AIFM1: variants seen among roughly 807,000 people sequenced by gnomAD.
AIFM1 encodes the protein apoptosis-inducing factor 1, mitochondrial.
Under a neutral mutation model 51.7 loss-of-function variants are expected in AIFM1, and 3 were observed. The observed-to-expected ratio is 0.06, with a 90% confidence interval of 0.03 to 0.15. The LOEUF is 0.15. Ranked by LOEUF, AIFM1 falls within the 10% of genes least tolerant of loss-of-function variation. AIFM1 has a pLI of 1.00. For synonymous variants in AIFM1, 178 were observed against 179.4 expected, an observed-to-expected ratio of 0.99 and a Z score of 0.06; for missense variants, 330 against 476.8, an observed-to-expected ratio of 0.69 and a Z score of 2.87.
intron 1 of AIFM1, 96 bp from the exon 2 acceptor site, chrX:130,156,699 G>T: frequency 1.1e-6 from 1 of 946,135 alleles, no homozygotes; most frequent in Non-Finnish European, 1.5e-6. Flanking sequence ...AAGACTTATT[G>T]CCCACAGATA....
intron 3 of AIFM1, among the ~76,000 whole-genome samples, chrX:130,148,833 C>CAA (rs56353862): frequency 1.1e-3 from 24 of 21,519 alleles, no homozygotes; most frequent in East Asian, 8.9e-3. Flanking sequence ...AACTCCATCT[C>CAA]AAAAAAAAAA....
intron 6 of AIFM1, among the ~76,000 whole-genome samples, chrX:130,141,023 G>A (rs1418220949): frequency 8.9e-6 from 1 of 112,350 alleles, no homozygotes; most frequent in African/African-American, 3.2e-5. Context: ...GGCTGAGGCA[G>A]GAGAATCGCT....
In AIFM1 at chrX:130,138,639, A is replaced by G. The variant is rs2030464722; in HGVS notation, c.921T>C (p.Gly307=). 8.3e-7 allele frequency: 1 copy of G among 1,209,125 alleles called. No individual in the cohort carries two copies. Among genetic ancestry groups the G allele is most frequent in the Non-Finnish European group, 1.1e-6 (1 of 894,824 alleles). Residue 307 remains glycine, a synonymous_variant, in exon 9 of 16, where the codon GGT becomes GGC. Transcript: ENST00000287295. ...SREVKSITII[G]GGFLGSELAC... ...CCAGTTCGCTACCAAGGAAGCCCCC[A>G]CCGATAATCGTAATTGATTTGACTT...
chrX:130,133,266 G>C (rs761683597), intron 13 of AIFM1, 47 bp downstream of exon 13: 3 of 1,196,793 alleles, frequency 2.5e-6, no homozygotes, highest in African/African-American at 1.8e-5. Flanking sequence ...TGGTCCTAGA[G>C]ATACTGAGTT....
intron 14 of AIFM1, among the ~76,000 whole-genome samples, chrX:130,130,436 C>A (rs184652419): frequency 8.9e-6 from 1 of 112,105 alleles, no homozygotes; most frequent in East Asian, 2.8e-4. Context: ...ATTTTAAATT[C>A]ATGCTATGAA....
chrX:130,163,031 C>T (rs965220591), intron 1 of AIFM1, among the ~76,000 whole-genome samples: 2 of 111,370 alleles, frequency 1.8e-5, no homozygotes, highest in African/African-American at 6.5e-5. Context: ...CAGATGTCAA[C>T]GAGATAGTTG....
intron 5 of AIFM1, among the ~76,000 whole-genome samples, chrX:130,146,451 A>ATATGTGTGTGTG (rs1211366586): frequency 1.1e-5 from 1 of 89,435 alleles, no homozygotes; most frequent in African/African-American, 4.2e-5. Context: ...CTCTCAAAAT[A>ATATGTGTGTGTG]TGTGTGTGTG....
intron 2 of AIFM1, among the ~76,000 whole-genome samples, chrX:130,150,055 A>C (rs1308925329): frequency 3.6e-5 from 4 of 111,204 alleles, no homozygotes; most frequent in African/African-American, 1.3e-4. Flanking sequence ...GTGGTCAGAA[A>C]CATGGCTGCC....
intron 6 of AIFM1, 117 bp from the exon 7 acceptor site, chrX:130,140,734 T>TACTGAAATCCA: frequency 1.7e-6 from 1 of 575,583 alleles, no homozygotes; most frequent in Non-Finnish European, 2.9e-6. Flanking sequence ...TCTGTGGATT[T>TACTGAAATCCA]CAGTATATTC....
intron 13 of AIFM1, 80 bp from the exon 14 acceptor site, chrX:130,131,879 T>A: frequency 9.5e-7 from 1 of 1,052,054 alleles, no homozygotes. Flanking sequence ...GACACTGCAT[T>A]TTTTTTTTTT....
intron 12 of AIFM1, among the ~76,000 whole-genome samples, chrX:130,135,439 T>TTTA (rs33994471): frequency 1.0e-3 from 76 of 72,944 alleles, no homozygotes; most frequent in African/African-American, 4.0e-3. Context: ...TTTTTTTTTT[T>TTTA]AAAAAAAAAA....
chrX:130,141,158 AAAAC>A (rs1428144490), intron 6 of AIFM1, among the ~76,000 whole-genome samples: 2 of 112,080 alleles, frequency 1.8e-5, no homozygotes, highest in Admixed American at 9.5e-5. Context: ...CACAACAACA[AAAAC>A]AAACAAAAAC....
At chrX:130,150,992 A>AAAAAAAAAAAAG (rs2030953032) in intron 2 of AIFM1, among the ~76,000 whole-genome samples, 3 of 104,434 alleles carry the variant, frequency 2.9e-5, no homozygotes, top group African/African-American at 1.1e-4. Context: ...AAAAAAAAAA[A>AAAAAAAAAAAAG]AAAGAAAAGA....
intron 2 of AIFM1, chrX:130,155,396 T>C: frequency 1.0e-6 from 1 of 964,898 alleles, no homozygotes; most frequent in Non-Finnish European, 1.4e-6. Flanking sequence ...TACCCTGTGC[T>C]AAAAAAGGAA....
At chrX:130,165,425 A>G (rs2031497677) in intron 1 of AIFM1, 126 bp downstream of exon 1, 1 of 602,911 alleles carries the variant, frequency 1.7e-6, no homozygotes, top group Non-Finnish European at 2.8e-6. Flanking sequence ...GAGTCTGCCA[A>G]TTTGGAATTC....
intron 10 of AIFM1, among the ~76,000 whole-genome samples, 168 bp downstream of exon 10, chrX:130,136,910 C>T (rs111770459): frequency 3.0e-4 from 33 of 111,301 alleles, no homozygotes; most frequent in African/African-American, 9.8e-4. Context: ...GAATTTGGGG[C>T]ATCTGATTCA....
chrX:130,129,395 T>C lies in AIFM1; in HGVS notation c.*162A>G. The C allele has an allele frequency of 2.0e-6, 1 of 493,820 alleles. No homozygotes were observed. The highest frequency in any genetic ancestry group is 3.6e-5 in the East Asian group (1 of 27,484). 40.7% of individuals were successfully genotyped at this position (493,820 alleles called of 1,213,427 possible). A position where few individuals can be genotyped will look rare whatever the true frequency, so the allele number is the denominator to read the frequency against. ...AGAAGAATCAGAATTTATTTCACTA[T>C]GTGAACATTAAGAATTTACCTACAT... On this transcript the variant is annotated 3_prime_UTR_variant, in exon 16 of 16. Coordinates refer to ENST00000287295, the MANE Select transcript of AIFM1 (RefSeq NM_004208.4).
At chrX:130,138,559 A>G in intron 9 of AIFM1, 34 bp downstream of exon 9, 2 of 1,018,268 alleles carry the variant, frequency 2.0e-6, no homozygotes, top group Non-Finnish European at 2.8e-6. Context: ...ATAAGACTAG[A>G]GAAAGAAAAT....
At chrX:130,159,094 A>G (rs1370780617) in intron 1 of AIFM1, among the ~76,000 whole-genome samples, 1 of 112,069 alleles carries the variant, frequency 8.9e-6, no homozygotes, top group Admixed American at 9.5e-5. Context: ...GCAGCAATTC[A>G]TAGTTAAACA....
Sources: gnomAD v4.1 joint callset for allele counts (sites outside exome capture counted in the v4.1 genomes callset) on GRCh38, gnomAD v4.1.1 for gene constraint, MANE v1.5 for transcripts, NCBI Gene and HGNC (gene_info 2026-07-23, HGNC 2026-07-21) for gene names.